CYFIP2: variants seen among roughly 807,000 people sequenced by gnomAD.
The protein encoded by CYFIP2 is cytoplasmic FMR1 interacting protein 2.
CYFIP2 carries 29 observed loss-of-function variants against 158.7 expected under a neutral mutation model. That is an observed-to-expected ratio of 0.18 (90% CI 0.14 to 0.25). The LOEUF (loss-of-function observed/expected upper bound fraction) is 0.25. Ranked by LOEUF, CYFIP2 falls within the 10% of genes least tolerant of loss-of-function variation. The probability of loss-of-function intolerance (pLI) is 1.00; values close to 1 mark genes in which losing one functional copy is unlikely to be tolerated. For missense variants in CYFIP2, 852 were observed against 1,639.5 expected (o/e 0.52, Z 8.29); for synonymous variants, 585 against 617.6 (o/e 0.95, Z 0.78).
chr5:157,272,758 T>C (rs1756213508), intron 1 of CYFIP2, among the ~76,000 whole-genome samples: 1 of 152,234 alleles, frequency 6.6e-6, no homozygotes, highest in Admixed American at 6.5e-5. Context: ...TTAATATATA[T>C]AAATGATGAT....
intron 26 of CYFIP2, among the ~76,000 whole-genome samples, chr5:157,368,613 A>AAT (rs1764658872): frequency 6.6e-6 from 1 of 152,000 alleles, no homozygotes; most frequent in Non-Finnish European, 1.5e-5. Context: ...TCCCAATAAT[A>AAT]CCCTTCCTTT....
At chr5:157,283,484 G>T (rs1178730213) in intron 1 of CYFIP2, among the ~76,000 whole-genome samples, 1 of 151,950 alleles carries the variant, frequency 6.6e-6, no homozygotes, top group Non-Finnish European at 1.5e-5. Context: ...TTTTGCTGTA[G>T]AACTGAATGC....
At chr5:157,324,116 A>G (rs1301344795) in intron 16 of CYFIP2, 42 bp downstream of exon 16, 2 of 1,567,176 alleles carry the variant, frequency 1.3e-6, no homozygotes, top group Non-Finnish European at 8.7e-7. Flanking sequence ...GGAGGAGGGG[A>G]TGAGGGCTCT....
chr5:157,355,431 A>T (rs1220932283), intron 23 of CYFIP2, among the ~76,000 whole-genome samples: 1 of 152,188 alleles, frequency 6.6e-6, no homozygotes, highest in Non-Finnish European at 1.5e-5. Context: ...TGACTGCTTT[A>T]TATATGTGAT....
intron 5 of CYFIP2, 46 bp from the exon 6 acceptor site, chr5:157,300,669 C>G: frequency 2.8e-6 from 4 of 1,426,462 alleles, no homozygotes; most frequent in Non-Finnish European, 3.7e-6. Context: ...ACCCTGCCCC[C>G]ATAAGGGAGC....
chr5:157,365,285 A>G (rs557134464), intron 26 of CYFIP2: 8 of 152,350 alleles, frequency 5.3e-5, no homozygotes, highest in Admixed American at 5.2e-4. Context: ...AGTGCGAAGG[A>G]AAAAGTAAGA....
chr5:157,291,150 C>T (rs1757787483), intron 3 of CYFIP2, among the ~76,000 whole-genome samples: 1 of 152,204 alleles, frequency 6.6e-6, no homozygotes, highest in Non-Finnish European at 1.5e-5. Flanking sequence ...CCCACCCCAT[C>T]CCCAGGGATA....
chr5:157,296,451 G>T (rs1430765003), intron 4 of CYFIP2: 1 of 524,202 alleles, frequency 1.9e-6, no homozygotes. Flanking sequence ...AAAATTAGCT[G>T]GATATAGTGT....
At chr5:157,377,017 T>C in intron 26 of CYFIP2, 1 of 391,048 alleles carries the variant, frequency 2.6e-6, no homozygotes, top group Admixed American at 2.7e-5. Flanking sequence ...AGGGGTCCTT[T>C]TACTCCCGCC....
chr5:157,303,422 C>T (rs1381280407), intron 7 of CYFIP2, among the ~76,000 whole-genome samples: 2 of 152,202 alleles, frequency 1.3e-5, no homozygotes, highest in Non-Finnish European at 2.9e-5. Context: ...GTACACCCCT[C>T]AGCTGCCATT....
chr5:157,277,415 G>T (rs753618286), intron 1 of CYFIP2, among the ~76,000 whole-genome samples: 7 of 152,140 alleles, frequency 4.6e-5, no homozygotes. Flanking sequence ...GAAGGAGAAG[G>T]AATGGAAAAA....
chr5:157,328,329 A>T (rs1218108061), intron 19 of CYFIP2, among the ~76,000 whole-genome samples: 1 of 152,240 alleles, frequency 6.6e-6, no homozygotes, highest in Non-Finnish European at 1.5e-5. Context: ...GGAAAAGCTC[A>T]TGGGAATGTA....
At chr5:157,342,801 C>G (rs551729243) in intron 23 of CYFIP2, 5 of 1,499,228 alleles carry the variant, frequency 3.3e-6, no homozygotes, top group Admixed American at 2.1e-5. Context: ...CACATTTGTA[C>G]AAACGACCTA....
intron 15 of CYFIP2, 63 bp downstream of exon 15, chr5:157,320,865 C>G (rs1477267786): frequency 6.9e-7 from 1 of 1,455,962 alleles, no homozygotes; most frequent in East Asian, 2.6e-5. Flanking sequence ...TATGGTAGAT[C>G]ATCATGGCTG....
At chr5:157,306,331 TGCTTTGCCTGG>T (rs1471203335) in intron 8 of CYFIP2, among the ~76,000 whole-genome samples, 1 of 152,182 alleles carries the variant, frequency 6.6e-6, no homozygotes, top group Non-Finnish European at 1.5e-5. Context: ...TCACCACTGG[TGCTTTGCCTGG>T]GTGATTGCTG....
At chr5:157,273,903 G>C (rs553384349) in intron 1 of CYFIP2, among the ~76,000 whole-genome samples, 25 of 152,296 alleles carry the variant, frequency 1.6e-4, no homozygotes, top group Non-Finnish European at 2.9e-5. Context: ...GGGAGGTCAA[G>C]GTGGGTGGAT....
chr5:157,335,005 T>C (rs1481266728), intron 21 of CYFIP2, among the ~76,000 whole-genome samples: 4 of 152,230 alleles, frequency 2.6e-5, no homozygotes, highest in Non-Finnish European at 5.9e-5. Flanking sequence ...TTACAACTTT[T>C]CTGTAAGTCT....
intron 3 of CYFIP2, among the ~76,000 whole-genome samples, 184 bp from the exon 4 acceptor site, chr5:157,294,599 A>C (rs533640463): frequency 4.0e-4 from 61 of 152,244 alleles, no homozygotes; most frequent in Admixed American, 1.7e-3. Context: ...TTTTGTTGAA[A>C]TGCACATTCT....
rs763792993 is a variant in CYFIP2, at chr5:157,326,228, G to A, written c.2040G>A (p.Lys680=). Residue 680 remains lysine (K), a synonymous_variant, in exon 18 of 31, where the codon AAG becomes AAA. Coordinates refer to ENST00000620254, the MANE Select transcript of CYFIP2 (RefSeq NM_001037333.3). ...ACAGCGCCTACTATGCTCTGACCAA[G>A]TTTAAAAAGCAGTTCCTGTACGATG... ...YNDSAYYALT[K]FKKQFLYDEI... 3 of 1,613,984 alleles carry A rather than the reference G, an allele frequency of 1.9e-6. No homozygotes were observed. The highest frequency in any genetic ancestry group is 2.2e-5 in the South Asian group (2 of 91,088).
Sources: allele counts gnomAD v4.1 joint callset (sites outside exome capture counted in the v4.1 genomes callset), GRCh38; gene constraint gnomAD v4.1.1; transcripts MANE v1.5; gene names NCBI Gene and HGNC (gene_info 2026-07-23, HGNC 2026-07-21).